Variants in ANKRD65 observed in about 807,000 individuals in gnomAD.
ANKRD65 encodes the protein ankyrin repeat domain-containing protein 65.
In ANKRD65, 26 loss-of-function variants were observed where a neutral mutation model predicts 17.2. The ratio of observed to expected loss-of-function variants is 1.51; its 90% CI spans 1.11 to 2.09. The LOEUF (loss-of-function observed/expected upper bound fraction) is 2.09. Among genes scored for constraint, ANKRD65 ranks in the 30% most tolerant of loss-of-function variants. The probability of loss-of-function intolerance (pLI) is 0.00; values close to 1 mark genes in which losing one functional copy is unlikely to be tolerated. For synonymous variants in ANKRD65, 311 were observed against 272.2 expected (o/e 1.14, Z -1.40); for missense variants, 621 against 542.2 (o/e 1.15, Z -1.44).
Position 1,420,343 on chromosome 1 carries a change from CGT to C in ANKRD65, c.457_458del (p.Thr153AlafsTer100). ...CCTCCAGCAGGCGCGCGGCCAGCAG[CGT>C]GTGGCCCAGGGCAGCGGCCCAGTGC... The part of the protein sequence containing the change: ...PLHWAAALGH[T>X]LLAARLLEAP... On this transcript the variant is annotated frameshift_variant, in exon 3 of 4. Transcript: ENST00000537107. LOFTEE classifies it high-confidence loss of function. The C allele has an allele frequency of 8.5e-7, 1 of 1,176,064 alleles. No homozygotes were observed. The highest frequency in any genetic ancestry group is 1.1e-6 in the Non-Finnish European group (1 of 947,804). The allele number at this position is 1,176,064 out of a possible 1,614,324, so 72.9% of individuals were successfully genotyped here. A position where few individuals can be genotyped will look rare whatever the true frequency, so the allele number is the denominator to read the frequency against.
rs1299588772 is a variant in ANKRD65, at chr1:1,419,147, G to C, written c.1153C>G (p.Leu385Val). 3 of 1,537,430 alleles carry C rather than the reference G, an allele frequency of 2.0e-6. No homozygotes were observed. Among genetic ancestry groups the C allele is most frequent in the Non-Finnish European group, 2.6e-6 (3 of 1,137,290 alleles). Residue 385 changes from leucine to valine, a missense_variant, in exon 4 of 4, where the codon CTT (leucine) becomes GTT (valine). By Grantham distance (32) the Leu-to-Val change is conservative. Coordinates refer to ENST00000537107, the MANE Select transcript of ANKRD65 (RefSeq NM_001145210.3). ...TCACACTCCTTCTCCCCCCCTCCAA[G>C]TTCAGGCAGCGCCTGGGGCAGGTCC... Reference protein sequence around the residue: ...EGDLPQALPELGGGEKECEGI... With the variant: ...EGDLPQALPEVGGGEKECEGI...
At position 1,420,599 on chromosome 1, in the gene ANKRD65, A is replaced by G; in HGVS notation, c.210-7T>C. ...GGTCCGGCCTGCGTGGTCCCTGAGG[A>G]GGGGGCAAGGGCGTCGGCGCGGGGG... On this transcript the variant is annotated splice_region_variant and splice_polypyrimidine_tract_variant and intron_variant, in intron 2 of 3. Coordinates refer to ENST00000537107, the MANE Select transcript of ANKRD65 (RefSeq NM_001145210.3). The G allele has an allele frequency of 1.4e-6, 2 of 1,406,338 alleles. No individual in the cohort carries two copies. The highest frequency in any genetic ancestry group is 3.3e-5 in the South Asian group (2 of 61,248). The allele number at this position is 1,406,338 out of a possible 1,614,324, so 87.1% of individuals were successfully genotyped here.
chr1:1,419,124 A>T lies in ANKRD65; in HGVS notation c.1176T>A (p.Cys392Ter). 1 of 1,522,920 alleles carries T rather than the reference A, an allele frequency of 6.6e-7. No individual in the cohort carries two copies. The highest frequency in any genetic ancestry group is 8.9e-7 in the Non-Finnish European group (1 of 1,129,532). 94.3% of individuals were successfully genotyped at this position (1,522,920 alleles called of 1,614,324 possible). A position where few individuals can be genotyped will look rare whatever the true frequency, so the allele number is the denominator to read the frequency against. ...LPELGGGEKE[C>*]EGIESTG ...CTCAGCCCGTGGACTCTATGCCCTC[A>T]CACTCCTTCTCCCCCCCTCCAAGTT... Residue 392 changes from cysteine to a stop codon, truncating the protein, a stop_gained, in exon 4 of 4, where the codon TGT becomes TGA. Transcript: ENST00000537107. LOFTEE classifies it low-confidence loss of function (END_TRUNC).
chr1:1,420,141 A>G lies in ANKRD65; in HGVS notation c.661T>C (p.Phe221Leu). The change falls in exon 3 of 4, where the codon TTC becomes CTC. Residue 221 changes from phenylalanine to leucine, a missense_variant. Coordinates refer to ENST00000537107, the MANE Select transcript of ANKRD65 (RefSeq NM_001145210.3). ...AAAGRGAALR[F>L]LLARGARVDA... ...ACCCGCGCCCCGCGCGCCAGGAGGA[A>G]GCGCAGCGCCGCCCCGCGCCCCGCA... The G allele has an allele frequency of 8.2e-7, 1 of 1,218,206 alleles. No homozygotes were observed. 75.5% of individuals were successfully genotyped at this position (1,218,206 alleles called of 1,614,324 possible).
Position 1,419,424 on chromosome 1 carries a change from C to T in ANKRD65, c.876G>A (p.Gly292=). ...LLAVQLLVTQ[G]AEVDARDTLG... ...GGGTGTCCCGCGCATCCACCTCGGC[C>T]CCCTGGGTGACCAGCAACTGGACGG... is the stretch of plus-strand genomic sequence containing the variant. Residue 292 remains glycine (G), a synonymous_variant, in exon 4 of 4, where the codon GGG becomes GGA. Coordinates refer to ENST00000537107, the MANE Select transcript of ANKRD65 (RefSeq NM_001145210.3). 2 of 1,549,650 alleles carry T rather than the reference C, an allele frequency of 1.3e-6. No individual in the cohort carries two copies.
chr1:1,420,609 G>A lies in ANKRD65; in HGVS notation c.210-17C>T, dbSNP rs1205533294. The A allele has an allele frequency of 2.1e-6, 3 of 1,419,088 alleles. No homozygotes were observed. The highest frequency in any genetic ancestry group is 5.1e-5 in the East Asian group (2 of 39,496). 87.9% of individuals were successfully genotyped at this position (1,419,088 alleles called of 1,614,324 possible). A position where few individuals can be genotyped will look rare whatever the true frequency, so the allele number is the denominator to read the frequency against. ...GCGTGGTCCCTGAGGAGGGGGCAAG[G>A]GCGTCGGCGCGGGGGTGGACCACTG... On this transcript the variant is annotated splice_polypyrimidine_tract_variant and intron_variant, in intron 2 of 3. Coordinates refer to ENST00000537107, the MANE Select transcript of ANKRD65 (RefSeq NM_001145210.3).
chr1:1,419,252 T>A lies in ANKRD65; in HGVS notation c.1048A>T (p.Thr350Ser). The part of the protein sequence containing the change: ...HLAAERGHGP[T>S]VGLLLSRGAS... ...CCTCGGCTCAGCAGAAGCCCCACGG[T>A]AGGCCCATGCCCTCGCTCTGCAGCC... is the stretch of plus-strand genomic sequence containing the variant. The change falls in exon 4 of 4, where the codon ACC becomes TCC. Residue 350 changes from threonine (T) to serine (S), a missense_variant. By Grantham distance (58) the Thr-to-Ser change is moderately conservative. Coordinates refer to ENST00000537107, the MANE Select transcript of ANKRD65 (RefSeq NM_001145210.3). 1 of 1,550,366 alleles carries A rather than the reference T, an allele frequency of 6.5e-7. No homozygotes were observed. Among genetic ancestry groups the A allele is most frequent in the Non-Finnish European group, 8.7e-7 (1 of 1,146,876 alleles).
chr1:1,420,333 C>T lies in ANKRD65; in HGVS notation c.469G>A (p.Ala157Thr). ...AAALGHTLLA[A>T]RLLEAPGPGP... The stretch of plus-strand genomic sequence containing the variant: ...GGGCCCGGAGCCTCCAGCAGGCGCG[C>T]GGCCAGCAGCGTGTGGCCCAGGGCA... The change falls in exon 3 of 4, where the codon GCG (alanine) becomes ACG (threonine). Residue 157 changes from alanine to threonine, a missense_variant. Ala to Thr is a moderately conservative substitution (Grantham distance 58). Coordinates refer to ENST00000537107, the MANE Select transcript of ANKRD65 (RefSeq NM_001145210.3). The T allele has an allele frequency of 1.8e-6, 2 of 1,141,074 alleles. No individual in the cohort carries two copies. The highest frequency in any genetic ancestry group is 3.2e-5 in the South Asian group (1 of 31,692). The allele number at this position is 1,141,074 out of a possible 1,614,324, so 70.7% of individuals were successfully genotyped here.
In ANKRD65 at chr1:1,419,568, G is replaced by A. The variant is rs1192179259; in HGVS notation, c.751-19C>T. On this transcript the variant is annotated intron_variant, in intron 3 of 3. Coordinates refer to ENST00000537107, the MANE Select transcript of ANKRD65 (RefSeq NM_001145210.3). ...CAATGTCCTAGAAGAGGAGAGAAAA[G>A]CAGGGGCCGGCCTCAGCCCGGTAGG... 6 of 1,504,092 alleles carry A rather than the reference G, an allele frequency of 4.0e-6. No individual in the cohort carries two copies. Among genetic ancestry groups the A allele is most frequent in the Admixed American group, 2.0e-5 (1 of 48,822 alleles). 93.2% of individuals were successfully genotyped at this position (1,504,092 alleles called of 1,614,324 possible).
Position 1,420,651 on chromosome 1 carries a change from G to GGCCCCCCCCC in ANKRD65, c.210-60_210-59insGGGGGGGGGC, listed in dbSNP as rs1645538499. The GGCCCCCCCCC allele has an allele frequency of 9.6e-6, 12 of 1,252,838 alleles. No individual in the cohort carries two copies. The East Asian group carries it at 1.2e-4, about 13-fold the overall frequency. The allele number at this position is 1,252,838 out of a possible 1,614,324, so 77.6% of individuals were successfully genotyped here. On this transcript the variant is annotated intron_variant, in intron 2 of 3. Transcript: ENST00000537107. ...GGACCACTGACCAGAACCCCGCCCTGCCCCACCCCGTCCTGCCGCCCACCC... is the reference window on the plus strand; with the variant it reads ...GGACCACTGACCAGAACCCCGCCCTGGCCCCCCCCCCCCCACCCCGTCCTGCCGCCCACCC...
Position 1,418,945 on chromosome 1 carries a change from G to T in ANKRD65, c.*155C>A. 1.1e-6 allele frequency: 1 copy of T among 899,936 alleles called. No individual in the cohort carries two copies. Among genetic ancestry groups the T allele is most frequent in the Non-Finnish European group, 1.6e-6 (1 of 611,084 alleles). The allele number at this position is 899,936 out of a possible 1,614,324, so 55.7% of individuals were successfully genotyped here. ...GGAGCTGGGGGCCATCCCTGGTCCAGCCAAGGCCTGTGACTGCAGCTCAAG... is the reference window on the plus strand; with the variant it reads ...GGAGCTGGGGGCCATCCCTGGTCCATCCAAGGCCTGTGACTGCAGCTCAAG... On this transcript the variant is annotated 3_prime_UTR_variant, in exon 4 of 4. Coordinates refer to ENST00000537107, the MANE Select transcript of ANKRD65 (RefSeq NM_001145210.3).
In ANKRD65 at chr1:1,420,500, C is replaced by T; in HGVS notation, c.302G>A (p.Gly101Asp). 2 of 1,271,450 alleles carry T rather than the reference C, an allele frequency of 1.6e-6. No homozygotes were observed. Among genetic ancestry groups the T allele is most frequent in the Admixed American group, 8.4e-5 (2 of 23,770 alleles). The allele number at this position is 1,271,450 out of a possible 1,614,324, so 78.8% of individuals were successfully genotyped here. A position where few individuals can be genotyped will look rare whatever the true frequency, so the allele number is the denominator to read the frequency against. The change falls in exon 3 of 4, where the codon GGC becomes GAC. Residue 101 changes from glycine to aspartate, a missense_variant. Physicochemically the swap from Gly to Asp is moderately conservative, Grantham distance 94. Transcript: ENST00000537107. ...GGTGCGCCCCGCCCGGTCCACCGCG[C>T]CCACCGGGGCCCCTCGCTGCAGCAG... ...RLLLQRGAPV[G>D]AVDRAGRTAL...
chr1:1,421,204 A>G lies in ANKRD65; in HGVS notation c.-72T>C. 1 of 594,190 alleles carries G rather than the reference A, an allele frequency of 1.7e-6. No individual in the cohort carries two copies. The highest frequency in any genetic ancestry group is 2.8e-5 in the East Asian group (1 of 35,952). 36.8% of individuals were successfully genotyped at this position (594,190 alleles called of 1,614,324 possible). A position where few individuals can be genotyped will look rare whatever the true frequency, so the allele number is the denominator to read the frequency against. ...TGTAGACGGGTTCTGGCCGAGGCTC[A>G]GCCTGGTGACCCTCTTCACAAAATC... On this transcript the variant is annotated 5_prime_UTR_variant, in exon 1 of 4. Coordinates refer to ENST00000537107, the MANE Select transcript of ANKRD65 (RefSeq NM_001145210.3).
In ANKRD65 at chr1:1,420,881, CA is replaced by C; in HGVS notation, c.124del (p.Trp42GlyfsTer16). On this transcript the variant is annotated frameshift_variant, in exon 2 of 4. Coordinates refer to ENST00000537107, the MANE Select transcript of ANKRD65 (RefSeq NM_001145210.3). LOFTEE classifies it high-confidence loss of function. ...RTEGPSVVQG[W>X]GHLLQAVWRG... is the part of the protein sequence containing the mutation. ...CCACACGGCCTGGAGCAGGTGCCCC[CA>C]GCCCTGGACAACACTAGGCCCCTCT... 6.5e-7 allele frequency: 1 copy of C among 1,550,358 alleles called. No individual in the cohort carries two copies. Among genetic ancestry groups the C allele is most frequent in the South Asian group, 1.2e-5 (1 of 84,058 alleles).
chr1:1,419,677 C>T, intron 3 of ANKRD65, 128 bp from the exon 4 acceptor site: 1 of 924,828 alleles, frequency 1.1e-6, no homozygotes, highest in Non-Finnish European at 1.6e-6. Flanking sequence ...ACCACTTCCT[C>T]ATGTTGTGAG....
At position 1,418,822 on chromosome 1, in the gene ANKRD65, A is replaced by C. The variant is rs573649377; in HGVS notation, c.*278T>G. The C allele has an allele frequency of 3.8e-5, 15 of 398,066 alleles. No homozygotes were observed. In the South Asian group the frequency reaches 9.4e-4, roughly 25 times the overall value. The allele number at this position is 398,066 out of a possible 1,614,324, so 24.7% of individuals were successfully genotyped here. ...TTTTCTTAAAACAGGTACTGAGTAT[A>C]AAACACTATGAGAGGGTCTCTCTTC... On this transcript the variant is annotated 3_prime_UTR_variant, in exon 4 of 4. Coordinates refer to ENST00000537107, the MANE Select transcript of ANKRD65 (RefSeq NM_001145210.3).
Position 1,420,397 on chromosome 1 carries a change from A to AGCC in ANKRD65, c.402_404dup (p.Ala135dup). 1 of 1,313,176 alleles carries AGCC rather than the reference A, an allele frequency of 7.6e-7. No homozygotes were observed. Among genetic ancestry groups the AGCC allele is most frequent in the Non-Finnish European group, 9.7e-7 (1 of 1,026,652 alleles). The allele number at this position is 1,313,176 out of a possible 1,614,324, so 81.3% of individuals were successfully genotyped here. On this transcript the variant is annotated inframe_insertion, in exon 3 of 4. Coordinates refer to ENST00000537107, the MANE Select transcript of ANKRD65 (RefSeq NM_001145210.3). ...GCGGCGTGAGGCCCGTCCCGGAGCG[A>AGCC]GCCGCCGCCGAGGCCCCGCGCTGCA...
rs1251415658 is a variant in ANKRD65, at chr1:1,420,539, G to A, written c.263C>T (p.Pro88Leu). ...LHLAVLRGHA[P>L]LVRLLLQRGA... is the part of the protein sequence containing the mutation. Reference sequence around the variant, plus strand: ...TCGCTGCAGCAGGAGACGCACCAGGGGCGCGTGGCCCCGCAGCACGGCCAG... The same window carrying A: ...TCGCTGCAGCAGGAGACGCACCAGGAGCGCGTGGCCCCGCAGCACGGCCAG... Residue 88 changes from proline to leucine, a missense_variant, in exon 3 of 4, where the codon CCC becomes CTC. Transcript: ENST00000537107. 3.8e-6 allele frequency: 5 copies of A among 1,313,586 alleles called. No individual in the cohort carries two copies. Among genetic ancestry groups the A allele is most frequent in the Non-Finnish European group, 1.9e-6 (2 of 1,037,738 alleles). 81.4% of individuals were successfully genotyped at this position (1,313,586 alleles called of 1,614,324 possible).
chr1:1,418,503 G>T lies in ANKRD65; in HGVS notation c.*597C>A, dbSNP rs1220663163. On this transcript the variant is annotated 3_prime_UTR_variant, in exon 4 of 4. Transcript: ENST00000537107. ...CGAGCTCCCCAAGTGCACAATTTCTGTCCCTTTTAAGGGCTCACAACACCG... is the reference window on the plus strand; with the variant it reads ...CGAGCTCCCCAAGTGCACAATTTCTTTCCCTTTTAAGGGCTCACAACACCG... 6.6e-6 allele frequency: 1 copy of T among 152,230 alleles called. No homozygotes were observed. The highest frequency in any genetic ancestry group is 1.9e-4 in the East Asian group (1 of 5,200). The allele number at this position is 152,230 out of a possible 1,614,324, so 9.4% of individuals were successfully genotyped here. A position where few individuals can be genotyped will look rare whatever the true frequency, so the allele number is the denominator to read the frequency against.
Sources: gnomAD v4.1 joint callset for allele counts on GRCh38, gnomAD v4.1.1 for gene constraint, MANE v1.5 for transcripts, NCBI Gene and HGNC (gene_info 2026-07-23, HGNC 2026-07-21) for gene names.